The following STXBP5L variants were observed in gnomAD, a reference collection of about 807,000 sequenced individuals.
STXBP5L encodes the protein syntaxin-binding protein 5-like.
A neutral mutation model predicts 144.5 loss-of-function variants in STXBP5L; 65 were observed. That is an observed-to-expected ratio of 0.45 (90% CI 0.37 to 0.55). The LOEUF (loss-of-function observed/expected upper bound fraction) is 0.55, where lower values mean the gene tolerates loss of function less well. Ranked by LOEUF, STXBP5L falls within the 20% of genes least tolerant of loss-of-function variation. The pLI is 0.00. For synonymous variants in STXBP5L, 505 were observed against 469.6 expected (o/e 1.08, Z -0.97); for missense variants, 1,298 against 1,405.5 (o/e 0.92, Z 1.22).
intron 7 of STXBP5L, among the ~76,000 whole-genome samples, chr3:121,125,513 C>G (rs79012634): frequency 6.6e-6 from 1 of 151,860 alleles, no homozygotes. Context: ...GAAAATAGGC[C>G]ATCTTTCCCC....
At chr3:121,161,172 G>T (rs1421460031) in intron 9 of STXBP5L, among the ~76,000 whole-genome samples, 1 of 150,044 alleles carries the variant, frequency 6.7e-6, no homozygotes, top group African/African-American at 2.4e-5. Context: ...TTTCTTGTAG[G>T]CCTAGTGGAA....
chr3:121,346,959 A>G (rs1269340587), intron 20 of STXBP5L, among the ~76,000 whole-genome samples: 3 of 152,214 alleles, frequency 2.0e-5, no homozygotes, highest in African/African-American at 4.8e-5. Context: ...TAGTTTAATT[A>G]GATCCCATTT....
intron 9 of STXBP5L, among the ~76,000 whole-genome samples, chr3:121,191,238 A>T (rs1363502671): frequency 2.6e-5 from 4 of 152,192 alleles, no homozygotes; most frequent in Non-Finnish European, 5.9e-5. Context: ...ACTGCACTCC[A>T]GCCTGGGCAA....
chr3:120,979,104 A>G (rs1405185988), intron 3 of STXBP5L, among the ~76,000 whole-genome samples: 2 of 152,216 alleles, frequency 1.3e-5, no homozygotes, highest in Non-Finnish European at 2.9e-5. Flanking sequence ...TTAAGTCTGC[A>G]GAGGTTACTG....
chr3:121,119,799 T>C (rs1413139633), intron 6 of STXBP5L, among the ~76,000 whole-genome samples: 2 of 151,320 alleles, frequency 1.3e-5, no homozygotes, highest in African/African-American at 2.4e-5. Flanking sequence ...CTTTTTCCTC[T>C]TCACTTTTGA....
intron 10 of STXBP5L, among the ~76,000 whole-genome samples, chr3:121,217,092 A>G (rs553288758): frequency 3.3e-5 from 5 of 152,168 alleles, no homozygotes; most frequent in Non-Finnish European, 7.4e-5. Context: ...GAGAATTTCA[A>G]ACCAGTGGAT....
intron 8 of STXBP5L, among the ~76,000 whole-genome samples, chr3:121,154,166 T>A (rs1419393761): frequency 6.6e-6 from 1 of 151,832 alleles, no homozygotes; most frequent in Non-Finnish European, 1.5e-5. Flanking sequence ...ATATATGTAA[T>A]TTATACCTAG....
chr3:121,071,924 T>C (rs1205363307), intron 5 of STXBP5L, among the ~76,000 whole-genome samples: 1 of 152,222 alleles, frequency 6.6e-6, no homozygotes, highest in Non-Finnish European at 1.5e-5. Flanking sequence ...AGAAGGACCA[T>C]GGGCAGCACC....
chr3:121,401,545 CA>C (rs2046873830), intron 22 of STXBP5L, among the ~76,000 whole-genome samples: 1 of 144,548 alleles, frequency 6.9e-6, no homozygotes, highest in Admixed American at 7.1e-5. Context: ...ACATATACAC[CA>C]TGGAATACTA....
chr3:121,121,421 A>T (rs936290399), intron 6 of STXBP5L, among the ~76,000 whole-genome samples: 3 of 151,262 alleles, frequency 2.0e-5, no homozygotes, highest in African/African-American at 7.2e-5. Flanking sequence ...TTGTGTTTTA[A>T]CCCGATTTTT....
At chr3:121,418,936 G>A in intron 26 of STXBP5L, 120 bp from the exon 27 acceptor site, 2 of 1,017,198 alleles carry the variant, frequency 2.0e-6, no homozygotes, top group Non-Finnish European at 2.8e-6. Flanking sequence ...AATAAAAGAA[G>A]CCACTCAGTT....
At chr3:121,019,412 C>T (rs746461494) in intron 3 of STXBP5L, among the ~76,000 whole-genome samples, 2 of 152,200 alleles carry the variant, frequency 1.3e-5, no homozygotes, top group Non-Finnish European at 2.9e-5. Flanking sequence ...CCTATACAAC[C>T]GCAGCTGATG....
intron 5 of STXBP5L, among the ~76,000 whole-genome samples, chr3:121,057,333 C>T (rs1026226280): frequency 6.6e-6 from 1 of 151,874 alleles, no homozygotes; most frequent in Non-Finnish European, 1.5e-5. Flanking sequence ...TATAGACTTT[C>T]CCTATTTCTT....
chr3:120,991,214 A>G (rs1343217783), intron 3 of STXBP5L, among the ~76,000 whole-genome samples: 5 of 152,014 alleles, frequency 3.3e-5, no homozygotes, highest in African/African-American at 1.2e-4. Context: ...TATGCAGCCA[A>G]AAGACACATG....
At chr3:121,313,739 C>CA (rs1476192711) in intron 19 of STXBP5L, among the ~76,000 whole-genome samples, 2 of 117,274 alleles carry the variant, frequency 1.7e-5, no homozygotes, top group Non-Finnish European at 3.7e-5. Context: ...GGGGGCTGAC[C>CA]CCCCCCACCT....
intron 3 of STXBP5L, among the ~76,000 whole-genome samples, chr3:121,029,597 A>T (rs1232068403): frequency 6.6e-6 from 1 of 152,168 alleles, no homozygotes. Context: ...AACCTAGGCA[A>T]TACCATTCAG....
At chr3:121,267,619 A>G (rs1577336893) in intron 18 of STXBP5L, among the ~76,000 whole-genome samples, 2 of 152,348 alleles carry the variant, frequency 1.3e-5, no homozygotes, top group African/African-American at 4.8e-5. Context: ...CGGAGTGACC[A>G]GGCAACCTAC....
intron 3 of STXBP5L, among the ~76,000 whole-genome samples, chr3:120,955,872 T>C (rs1937974084): frequency 6.6e-6 from 1 of 152,090 alleles, no homozygotes; most frequent in South Asian, 2.1e-4. Context: ...AAAAATGTTA[T>C]ATAAATGGAA....
intron 12 of STXBP5L, among the ~76,000 whole-genome samples, chr3:121,235,432 G>A (rs1182227056): frequency 6.6e-6 from 1 of 151,762 alleles, no homozygotes; most frequent in Non-Finnish European, 1.5e-5. Context: ...TAAGTTTTTA[G>A]TTATTATTTC....
Sources: gnomAD v4.1 joint callset for allele counts (sites outside exome capture counted in the v4.1 genomes callset) on GRCh38, gnomAD v4.1.1 for gene constraint, MANE v1.5 for transcripts, NCBI Gene and HGNC (gene_info 2026-07-23, HGNC 2026-07-21) for gene names.